Variants in ALDH1A2 observed in about 807,000 individuals in gnomAD.
The protein encoded by ALDH1A2 is retinal dehydrogenase 2.
ALDH1A2 carries 27 observed loss-of-function variants against 60.3 expected under a neutral mutation model. The observed-to-expected ratio is 0.45, with a 90% CI of 0.33 to 0.62. ALDH1A2 has a LOEUF of 0.62. Among genes scored for constraint, ALDH1A2 ranks in the 20% least tolerant of loss-of-function variants. ALDH1A2 has a pLI of 0.02. For missense variants in ALDH1A2, 581 were observed against 643.8 expected (o/e 0.90, Z 1.06); for synonymous variants, 289 against 232.4 (o/e 1.24, Z -2.21).
intron 1 of ALDH1A2, among the ~76,000 whole-genome samples, chr15:58,020,761 G>T (rs956199552): frequency 6.6e-6 from 1 of 151,944 alleles, no homozygotes; most frequent in Non-Finnish European, 1.5e-5. Flanking sequence ...TGTGTTTATT[G>T]TATCAATTTT....
At position 57,995,478 on chromosome 15, in the gene ALDH1A2, T is replaced by G. The variant is rs890532904; in HGVS notation, c.494-339A>C. On this transcript the variant is annotated intron_variant, in intron 4 of 12. Coordinates refer to ENST00000249750, the MANE Select transcript of ALDH1A2 (RefSeq NM_003888.4). ...TTTTATGTTAAATATTAAAATAACATGTAGAACAGTTGTTTGATTTAAAAA... is the reference window on the plus strand; with the variant it reads ...TTTTATGTTAAATATTAAAATAACAGGTAGAACAGTTGTTTGATTTAAAAA... Among the ~76,000 whole-genome samples the G allele has an allele frequency of 1.2e-4, 19 of 152,214 alleles. No individual in the cohort carries two copies. The South Asian group carries it at 3.9e-3, about 32-fold the overall frequency.
intron 1 of ALDH1A2, among the ~76,000 whole-genome samples, chr15:58,024,958 AT>A (rs1257548110): frequency 6.6e-6 from 1 of 152,198 alleles, no homozygotes; most frequent in Non-Finnish European, 1.5e-5. Flanking sequence ...ACAAATAAAA[AT>A]AGAAATTTAA....
At chr15:58,027,707 A>T (rs923908960) in intron 1 of ALDH1A2, among the ~76,000 whole-genome samples, 3 of 152,142 alleles carry the variant, frequency 2.0e-5, no homozygotes, top group African/African-American at 7.2e-5. Context: ...ACCTTAAATG[A>T]CCTGATGGAG....
At chr15:58,012,316 CCCT>C (rs1297689418) in intron 3 of ALDH1A2, among the ~76,000 whole-genome samples, 1 of 152,138 alleles carries the variant, frequency 6.6e-6, no homozygotes, top group Non-Finnish European at 1.5e-5. Flanking sequence ...AACCTATGTG[CCCT>C]CATTTGCCAT....
At chr15:57,974,964 A>G (rs7181106) in intron 7 of ALDH1A2, among the ~76,000 whole-genome samples, 3,137 of 152,344 alleles carry the variant, frequency 0.021, 114 homozygotes, top group African/African-American at 0.065. Context: ...AAATACACAA[A>G]TGAAAAGACA....
intron 8 of ALDH1A2, chr15:57,964,648 A>G (rs932314615): frequency 3.9e-5 from 6 of 154,000 alleles, no homozygotes; most frequent in African/African-American, 1.4e-4. Flanking sequence ...CGTAACACCA[A>G]TGGGTCTTCT....
At chr15:57,982,093 C>A (rs773178584) in intron 7 of ALDH1A2, among the ~76,000 whole-genome samples, 1 of 152,168 alleles carries the variant, frequency 6.6e-6, no homozygotes, top group African/African-American at 2.4e-5. Context: ...TTAGTACCCA[C>A]CTGAACACCC....
chr15:57,979,509 C>T (rs1477548671), intron 7 of ALDH1A2, among the ~76,000 whole-genome samples: 3 of 152,220 alleles, frequency 2.0e-5, no homozygotes, highest in Non-Finnish European at 2.9e-5. Flanking sequence ...TGGCCTTGAC[C>T]CCTTCTCCTC....
chr15:58,023,212 T>A (rs1050730349), intron 1 of ALDH1A2, among the ~76,000 whole-genome samples: 2 of 152,130 alleles, frequency 1.3e-5, no homozygotes, highest in African/African-American at 4.8e-5. Context: ...GCATTTAAAA[T>A]CTTAGAACCA....
At chr15:57,974,216 G>T (rs1031133521) in intron 7 of ALDH1A2, among the ~76,000 whole-genome samples, 1 of 152,056 alleles carries the variant, frequency 6.6e-6, no homozygotes, top group East Asian at 1.9e-4. Context: ...GGTGGATCAC[G>T]TGGTCAGGAG....
intron 1 of ALDH1A2, among the ~76,000 whole-genome samples, chr15:58,047,633 A>G (rs1462995544): frequency 6.6e-6 from 1 of 152,030 alleles, no homozygotes; most frequent in African/African-American, 2.4e-5. Flanking sequence ...TTTGAAAAAA[A>G]TTAGCCCCAA....
At chr15:58,002,794 C>G (rs1037464257) in intron 4 of ALDH1A2, among the ~76,000 whole-genome samples, 1 of 151,866 alleles carries the variant, frequency 6.6e-6, no homozygotes, top group South Asian at 2.1e-4. Context: ...AATTACCTTT[C>G]AAGGAGCTGG....
chr15:58,043,701 A>C (rs1896573444), intron 1 of ALDH1A2, among the ~76,000 whole-genome samples: 1 of 152,034 alleles, frequency 6.6e-6, no homozygotes, highest in African/African-American at 2.4e-5. Flanking sequence ...GTCATCACCA[A>C]GAACAGCTGG....
intron 4 of ALDH1A2, among the ~76,000 whole-genome samples, chr15:58,007,729 T>C (rs1409154692): frequency 2.0e-5 from 3 of 151,468 alleles, no homozygotes; most frequent in African/African-American, 7.3e-5. Context: ...TGTAGGAAAA[T>C]GCATTTAGCA....
chr15:58,054,387 A>T (rs1259374292), intron 1 of ALDH1A2, among the ~76,000 whole-genome samples: 1 of 152,194 alleles, frequency 6.6e-6, no homozygotes, highest in Non-Finnish European at 1.5e-5. Flanking sequence ...TTTTTCAATC[A>T]TTTATAATGA....
chr15:57,960,656 A>C (rs1893687413), intron 12 of ALDH1A2, 114 bp downstream of exon 12: 1 of 881,040 alleles, frequency 1.1e-6, no homozygotes, highest in African/African-American at 1.7e-5. Flanking sequence ...GCTCCACGAA[A>C]TGTTTGTTGA....
intron 1 of ALDH1A2, among the ~76,000 whole-genome samples, chr15:58,026,738 T>A (rs1239735914): frequency 6.6e-6 from 1 of 152,088 alleles, no homozygotes; most frequent in African/African-American, 2.4e-5. Context: ...GTTCGGCGGG[T>A]CCCATGCCCA....
At chr15:58,061,607 A>AAAAAAAAAAAAAAAAAAAAAAAAAAAAG (rs1566964618) in intron 1 of ALDH1A2, among the ~76,000 whole-genome samples, 1 of 137,792 alleles carries the variant, frequency 7.3e-6, no homozygotes, top group Admixed American at 7.1e-5. Context: ...AAAAAAAAAA[A>AAAAAAAAAAAAAAAAAAAAAAAAAAAAG]AACAAAAAAA....
chr15:58,058,111 A>T, intron 1 of ALDH1A2: 2 of 1,513,696 alleles, frequency 1.3e-6, no homozygotes, highest in South Asian at 1.2e-5. Flanking sequence ...TTTCACACCT[A>T]GAGAAATAAG....
Sources: gnomAD v4.1 joint callset for allele counts (sites outside exome capture counted in the v4.1 genomes callset) on GRCh38, gnomAD v4.1.1 for gene constraint, MANE v1.5 for transcripts, NCBI Gene and HGNC (gene_info 2026-07-23, HGNC 2026-07-21) for gene names.